Variants in COL12A1 observed in about 807,000 individuals in gnomAD.
COL12A1 encodes the protein collagen type XII alpha 1 chain, also known as collagen alpha-1(XII) chain.
A neutral mutation model predicts 349.7 loss-of-function variants in COL12A1; 114 were observed. That is an observed-to-expected ratio of 0.33 (90% CI 0.28 to 0.38). The LOEUF (loss-of-function observed/expected upper bound fraction) is 0.38. COL12A1 is among the 10% of genes least tolerant of loss of function. The pLI, the probability that COL12A1 is intolerant of heterozygous loss-of-function variation, is 1.00. For synonymous variants in COL12A1, 1,369 were observed against 1,329.0 expected, an observed-to-expected ratio of 1.03 and a Z score of -0.66; for missense variants, 3,284 against 3,756.9, an observed-to-expected ratio of 0.87 and a Z score of 3.29.
chr6:75,175,015 T>G (rs776026351), intron 13 of COL12A1, 23 bp downstream of exon 13: 2 of 1,610,602 alleles, frequency 1.2e-6, no homozygotes, highest in African/African-American at 2.7e-5. Flanking sequence ...TCCTGGATTT[T>G]CAGAAAATAT....
At chr6:75,198,341 G>GTTTAATATATACGTATT (rs1251417977) in intron 2 of COL12A1, among the ~76,000 whole-genome samples, 2 of 151,688 alleles carry the variant, frequency 1.3e-5, no homozygotes, top group Non-Finnish European at 2.9e-5. Context: ...GCATAAATGG[G>GTTTAATATATACGTATT]TTTAATATAT....
At position 75,103,754 on chromosome 6, in the gene COL12A1, T is replaced by C. The variant is rs764529349; in HGVS notation, c.8319+3A>G. ...ATTTAAATGCACTCTAAAATATACT[T>C]ACAATTGCCCCACTGATACCTCTTT... On this transcript the variant is annotated splice_donor_region_variant and intron_variant, in intron 55 of 65. Coordinates refer to ENST00000322507, the MANE Select transcript of COL12A1 (RefSeq NM_004370.6). 6.2e-7 allele frequency: 1 copy of C among 1,612,434 alleles called. No homozygotes were observed. The highest frequency in any genetic ancestry group is 8.5e-7 in the Non-Finnish European group (1 of 1,178,826).
At chr6:75,133,101 A>G (rs575957980) in intron 34 of COL12A1, among the ~76,000 whole-genome samples, 192 bp downstream of exon 34, 1 of 152,364 alleles carries the variant, frequency 6.6e-6, no homozygotes, top group African/African-American at 2.4e-5. Flanking sequence ...TCAAAAGAAG[A>G]TGCCATTATA....
intron 31 of COL12A1, among the ~76,000 whole-genome samples, chr6:75,135,559 A>C (rs1444397025): frequency 1.3e-5 from 2 of 152,242 alleles, no homozygotes; most frequent in South Asian, 2.1e-4. Context: ...ATTTATTAAC[A>C]GTCTACCGAA....
intron 2 of COL12A1, among the ~76,000 whole-genome samples, chr6:75,197,631 A>C (rs1207679163): frequency 2.0e-5 from 3 of 152,122 alleles, no homozygotes; most frequent in Non-Finnish European, 4.4e-5. Context: ...TCAATTATGC[A>C]CTAGCTGCAT....
rs756497367 is a variant in COL12A1 at position 75,090,345 on chromosome 6, G to T, written c.8753-47C>A. On this transcript the variant is annotated intron_variant, in intron 62 of 65. Transcript: ENST00000322507. This position sits in a 1 kb window ranked among gnomAD's most constrained non-coding sequence, Gnocchi z 4.1. The stretch of plus-strand genomic sequence containing the variant: ...GTTAGTAAGAAACCCAATAAAGGAC[G>T]GATGAGAGAGTGAAACTGTTTTCTC... 6.5e-7 allele frequency: 1 copy of T among 1,538,090 alleles called. No individual in the cohort carries two copies. The highest frequency in any genetic ancestry group is 1.2e-5 in the South Asian group (1 of 82,898).
At chr6:75,168,848 G>A (rs1013774639) in intron 13 of COL12A1, among the ~76,000 whole-genome samples, 5 of 152,132 alleles carry the variant, frequency 3.3e-5, no homozygotes, top group African/African-American at 9.7e-5. Flanking sequence ...AGACAGGTAT[G>A]GTGAAGGTAA....
chr6:75,103,903 G>A, intron 54 of COL12A1, 93 bp from the exon 55 acceptor site: 2 of 886,462 alleles, frequency 2.3e-6, no homozygotes, highest in Non-Finnish European at 3.5e-6. Context: ...GCAATTTCCA[G>A]ACAATTATTA....
In COL12A1 at chr6:75,192,966, G is replaced by A. The variant is rs80207097; in HGVS notation, c.191-611C>T. The stretch of plus-strand genomic sequence containing the variant: ...TGTTTACTTATATTTTGGCAGTTAT[G>A]TACTCCCTTCTAGATTCTGTTAATT... On this transcript the variant is annotated intron_variant, in intron 3 of 65. Transcript: ENST00000322507. 2.0e-4 allele frequency among the ~76,000 whole-genome samples: 31 copies of A among 152,216 alleles called. No homozygotes were observed. In the East Asian group the frequency reaches 4.8e-3, roughly 24 times the overall value.
At chr6:75,167,477 G>A (rs534298134) in intron 13 of COL12A1, among the ~76,000 whole-genome samples, 5 of 152,278 alleles carry the variant, frequency 3.3e-5, no homozygotes, top group African/African-American at 1.2e-4. Flanking sequence ...AGGTTAACTA[G>A]AATGTGGAAA....
intron 31 of COL12A1, among the ~76,000 whole-genome samples, chr6:75,136,178 T>C (rs1280593613): frequency 1.3e-5 from 2 of 152,192 alleles, no homozygotes; most frequent in Non-Finnish European, 2.9e-5. Flanking sequence ...TCCTGATTTG[T>C]AGTTTTACCG....
chr6:75,117,683 A>T, intron 46 of COL12A1, 137 bp from the exon 47 acceptor site: 1 of 756,396 alleles, frequency 1.3e-6, no homozygotes, highest in Non-Finnish European at 2.0e-6. Context: ...CTTGACGTGA[A>T]CTCTCTTTAA....
chr6:75,126,437 G>T lies in COL12A1; in HGVS notation c.6374C>A (p.Ser2125Tyr). ...CCTGAATCTTGTATACCATTCGTCAGAGATGTGTATGTTCTGAGGAGGAAG... is the reference window on the plus strand; with the variant it reads ...CCTGAATCTTGTATACCATTCGTCATAGATGTGTATGTTCTGAGGAGGAAG... ...GLLPPQNIHI[S>Y]DEWYTRFRVS... Residue 2125 changes from serine (S) to tyrosine (Y), a missense_variant, in exon 39 of 66, where the codon TCT (serine) becomes TAT (tyrosine). Transcript: ENST00000322507. The T allele has an allele frequency of 6.2e-7, 1 of 1,611,370 alleles. No individual in the cohort carries two copies. Among genetic ancestry groups the T allele is most frequent in the South Asian group, 1.1e-5 (1 of 90,992 alleles).
At chr6:75,158,616 CTTA>C (rs1430581643) in intron 14 of COL12A1, among the ~76,000 whole-genome samples, 1 of 152,032 alleles carries the variant, frequency 6.6e-6, no homozygotes, top group Admixed American at 6.6e-5. Flanking sequence ...TGTTAAAACA[CTTA>C]TTATAACTAT....
At chr6:75,178,270 G>A (rs1454011177) in intron 11 of COL12A1, among the ~76,000 whole-genome samples, 1 of 152,038 alleles carries the variant, frequency 6.6e-6, no homozygotes, top group Admixed American at 6.5e-5. Context: ...ATAAAAACAA[G>A]TCATTTCTTT....
Position 75,123,960 on chromosome 6 carries a change from T to C in COL12A1, c.6859A>G (p.Lys2287Glu), listed in dbSNP as rs775646975. The change falls in exon 42 of 66, where the codon AAA becomes GAA. Residue 2287 changes from lysine (K) to glutamate (E), a missense_variant. Lys to Glu is a moderately conservative substitution (Grantham distance 56). Around this residue, in one of 2 missense-constraint regions of COL12A1, gnomAD observed 2,601 missense variants for 2,824.8 expected, o/e 0.92. Coordinates refer to ENST00000322507, the MANE Select transcript of COL12A1 (RefSeq NM_004370.6). ...CTCAAAAACTTACTGGTATGTTCTTTAACAGAGACTCCTGGTCCCTCGAGA... is the reference window on the plus strand; with the variant it reads ...CTCAAAAACTTACTGGTATGTTCTTCAACAGAGACTCCTGGTCCCTCGAGA... ...PNLEGPGVSV[K>E]EHTTVKPTEA... 6.2e-6 allele frequency: 10 copies of C among 1,611,012 alleles called. No homozygotes were observed. Among genetic ancestry groups the C allele is most frequent in the African/African-American group, 2.7e-5 (2 of 74,812 alleles).
Position 75,202,803 on chromosome 6 carries a change from C to A in COL12A1, c.-11G>T. On this transcript the variant is annotated 5_prime_UTR_variant, in exon 2 of 66. Transcript: ENST00000322507. Reference sequence around the variant, plus strand: ...AAGCCTACTCCGCATCCTTGGCCTCCGAGCTTACAGCGGCATGAAGAGATC... The same window carrying A: ...AAGCCTACTCCGCATCCTTGGCCTCAGAGCTTACAGCGGCATGAAGAGATC... 7 of 1,551,636 alleles carry A rather than the reference C, an allele frequency of 4.5e-6. No individual in the cohort carries two copies. In the South Asian group the frequency reaches 8.3e-5, roughly 18 times the overall value.
In COL12A1 at chr6:75,175,272, T is replaced by C; in HGVS notation, c.2476A>G (p.Thr826Ala). 1 of 1,614,216 alleles carries C rather than the reference T, an allele frequency of 6.2e-7. No individual in the cohort carries two copies. The highest frequency in any genetic ancestry group is 8.5e-7 in the Non-Finnish European group (1 of 1,180,038). Residue 826 changes from threonine (T) to alanine (A), a missense_variant, in exon 13 of 66, where the codon ACG becomes GCG. Coordinates refer to ENST00000322507, the MANE Select transcript of COL12A1 (RefSeq NM_004370.6). ...CAAGATAATTTCATAGTAGACGTCG[T>C]AGGGTCAGAAACTCTTAAGTCTCTT... ...NPRDLRVSDP[T>A]TSTMKLSWSG...
At chr6:75,180,123 C>G (rs1448180895) in intron 11 of COL12A1, among the ~76,000 whole-genome samples, 1 of 152,120 alleles carries the variant, frequency 6.6e-6, no homozygotes, top group Non-Finnish European at 1.5e-5. Flanking sequence ...TAATAAGAAC[C>G]CCATCTTAAA....
Sources: gnomAD v4.1 joint callset for allele counts (sites outside exome capture counted in the v4.1 genomes callset) on GRCh38, gnomAD v4.1.1 for gene constraint, gnomAD v4.1.1 regional missense constraint, Gnocchi (gnomAD v3.1) non-coding constraint, MANE v1.5 for transcripts, NCBI Gene and HGNC (gene_info 2026-07-23, HGNC 2026-07-21) for gene names.